The following PAPPA2 variants were observed in gnomAD, a reference collection of about 807,000 sequenced individuals.
The protein encoded by PAPPA2 is pappalysin 2.
A neutral mutation model predicts 176.4 loss-of-function variants in PAPPA2; 86 were observed. The ratio of observed to expected loss-of-function variants is 0.49; its 90% confidence interval spans 0.41 to 0.58. The LOEUF (loss-of-function observed/expected upper bound fraction) is 0.58, where lower values mean the gene tolerates loss of function less well. PAPPA2 is among the 20% of genes least tolerant of loss of function. PAPPA2 has a pLI of 0.00. For synonymous variants in PAPPA2, 809 were observed against 852.2 expected, an observed-to-expected ratio of 0.95 and a Z score of 0.88; for missense variants, 2,073 against 2,256.9, an observed-to-expected ratio of 0.92 and a Z score of 1.65.
chr1:176,745,068 C>A (rs541059919), intron 14 of PAPPA2, among the ~76,000 whole-genome samples: 17 of 152,192 alleles, frequency 1.1e-4, no homozygotes, highest in African/African-American at 4.1e-4. Flanking sequence ...ATCAGGTGTG[C>A]TAGTTATCAG....
intron 2 of PAPPA2, among the ~76,000 whole-genome samples, chr1:176,593,742 G>A (rs1426704850): frequency 6.6e-6 from 1 of 152,220 alleles, no homozygotes; most frequent in Non-Finnish European, 1.5e-5. Context: ...CCTGCCCTGA[G>A]CAAGGCAGGT....
intron 21 of PAPPA2, among the ~76,000 whole-genome samples, chr1:176,828,355 A>G (rs1438938749): frequency 6.6e-6 from 1 of 152,190 alleles, no homozygotes; most frequent in Admixed American, 6.5e-5. Context: ...TTGCTTCTAT[A>G]TAATGGTTTG....
intron 1 of PAPPA2, among the ~76,000 whole-genome samples, chr1:176,491,288 A>G (rs1463766151): frequency 1.3e-5 from 2 of 152,206 alleles, no homozygotes; most frequent in Admixed American, 6.5e-5. Flanking sequence ...GTCATGCACT[A>G]TCTGTGTGGA....
intron 4 of PAPPA2, among the ~76,000 whole-genome samples, chr1:176,679,682 A>G (rs1433826931): frequency 6.6e-6 from 1 of 152,184 alleles, no homozygotes. Flanking sequence ...CAAAACTCTG[A>G]GCAAGGGGGA....
chr1:176,794,534 TGTGTGTGTATATGTGTGCAC>T (rs1435965505), intron 20 of PAPPA2, among the ~76,000 whole-genome samples: 1 of 152,116 alleles, frequency 6.6e-6, no homozygotes. Flanking sequence ...CTATAGTTTG[TGTGTGTGTATATGTGTGCAC>T]GTGTGTGTAT....
intron 20 of PAPPA2, among the ~76,000 whole-genome samples, chr1:176,795,572 A>AT (rs991950277): frequency 5.3e-5 from 8 of 152,170 alleles, no homozygotes; most frequent in Non-Finnish European, 7.3e-5. Context: ...TTCATGGAGA[A>AT]TTTTTTTAAC....
chr1:176,581,236 T>C (rs1573073628), intron 2 of PAPPA2, among the ~76,000 whole-genome samples: 1 of 152,216 alleles, frequency 6.6e-6, no homozygotes, highest in South Asian at 2.1e-4. Context: ...CCGCAATCAA[T>C]GTACTTGGTA....
chr1:176,609,514 C>CT (rs1654793064), intron 3 of PAPPA2, among the ~76,000 whole-genome samples: 1 of 152,070 alleles, frequency 6.6e-6, no homozygotes, highest in Admixed American at 6.6e-5. Context: ...GAAAGTCTTA[C>CT]TGAAAAGATG....
At chr1:176,706,512 G>A in intron 10 of PAPPA2, 62 bp downstream of exon 10, 2 of 1,400,556 alleles carry the variant, frequency 1.4e-6, no homozygotes, top group Non-Finnish European at 1.0e-6. Flanking sequence ...TATTTTGTGA[G>A]TTCTTGATAT....
rs138941479 is a variant in PAPPA2 at position 176,563,854 on chromosome 1, T to A, written c.919+6613T>A. On this transcript the variant is annotated intron_variant, in intron 2 of 22. Transcript: ENST00000367662. Reference sequence around the variant, plus strand: ...GAGGCCACAGATCCCTGGGGTGGCATGGTTAAAGGCAGACCAGTTCCTGAG... The same window carrying A: ...GAGGCCACAGATCCCTGGGGTGGCAAGGTTAAAGGCAGACCAGTTCCTGAG... Among the ~76,000 whole-genome samples, 366 of 152,272 alleles carry A rather than the reference T, an allele frequency of 2.4e-3. 1 individual carries two copies. The highest frequency in any genetic ancestry group is 7.5e-3 in the African/African-American group (311 of 41,552).
At chr1:176,763,995 G>A (rs1663815400) in intron 14 of PAPPA2, among the ~76,000 whole-genome samples, 1 of 152,194 alleles carries the variant, frequency 6.6e-6, no homozygotes, top group Non-Finnish European at 1.5e-5. Flanking sequence ...CTTTCTTGCT[G>A]TGTCATACAT....
At chr1:176,749,327 G>A (rs1406745388) in intron 14 of PAPPA2, among the ~76,000 whole-genome samples, 1 of 152,118 alleles carries the variant, frequency 6.6e-6, no homozygotes, top group Non-Finnish European at 1.5e-5. Flanking sequence ...AAAATTGAAA[G>A]GAAGGTACAG....
intron 1 of PAPPA2, among the ~76,000 whole-genome samples, chr1:176,544,885 G>T (rs1650548288): frequency 6.6e-6 from 1 of 152,220 alleles, no homozygotes; most frequent in African/African-American, 2.4e-5. Flanking sequence ...TACTGAAAAA[G>T]TATACAACTC....
chr1:176,576,354 C>T (rs1652641390), intron 2 of PAPPA2, among the ~76,000 whole-genome samples: 1 of 152,078 alleles, frequency 6.6e-6, no homozygotes, highest in African/African-American at 2.4e-5. Context: ...TTGAGTTACC[C>T]CATCAGTGTC....
chr1:176,830,919 G>A (rs546507634), intron 21 of PAPPA2, among the ~76,000 whole-genome samples: 1 of 152,316 alleles, frequency 6.6e-6, no homozygotes, highest in South Asian at 2.1e-4. Context: ...CTTAGAAGAG[G>A]AGGAAGGATG....
intron 3 of PAPPA2, among the ~76,000 whole-genome samples, chr1:176,660,587 A>T (rs1344148775): frequency 6.6e-6 from 1 of 152,064 alleles, no homozygotes; most frequent in Admixed American, 6.6e-5. Flanking sequence ...TAGTCCCAGG[A>T]TTTAGTGTGA....
chr1:176,489,466 T>A (rs1652799005), intron 1 of PAPPA2, among the ~76,000 whole-genome samples: 1 of 152,226 alleles, frequency 6.6e-6, no homozygotes, highest in South Asian at 2.1e-4. Context: ...GATATTACCA[T>A]ATTGATCCTC....
At chr1:176,817,642 C>T (rs1239101874) in intron 21 of PAPPA2, among the ~76,000 whole-genome samples, 2 of 151,512 alleles carry the variant, frequency 1.3e-5, no homozygotes, top group Non-Finnish European at 2.9e-5. Context: ...AAAATTGATT[C>T]TAGAATTCCA....
chr1:176,653,265 G>GATC lies in PAPPA2; in HGVS notation c.1992-17701_1992-17699dup, dbSNP rs538637137. ...ATCATCTCATTCAGCACTCTTAGAG[G>GATC]ATCATCCCCATTCCACTTCATTCAG... On this transcript the variant is annotated intron_variant, in intron 3 of 22. Transcript: ENST00000367662. Among the ~76,000 whole-genome samples the GATC allele has an allele frequency of 4.6e-5, 7 of 151,774 alleles. No individual in the cohort carries two copies. The East Asian group carries it at 1.4e-3, about 30-fold the overall frequency.
Sources: allele counts gnomAD v4.1 joint callset (sites outside exome capture counted in the v4.1 genomes callset), GRCh38; gene constraint gnomAD v4.1.1; transcripts MANE v1.5; gene names NCBI Gene and HGNC (gene_info 2026-07-23, HGNC 2026-07-21).